Variants in KIF6 observed in about 807,000 individuals in gnomAD.
The protein encoded by KIF6 is kinesin-like protein KIF6.
In KIF6, 106 loss-of-function variants were observed where a neutral mutation model predicts 112.7. That is an observed-to-expected ratio of 0.94 (90% CI 0.80 to 1.11). The LOEUF (loss-of-function observed/expected upper bound fraction) is 1.11, where lower values mean the gene tolerates loss of function less well. KIF6 is among the 50% of genes least tolerant of loss of function. The pLI is 0.00. For synonymous variants in KIF6, 339 were observed against 339.9 expected (o/e 1.00, Z 0.03); for missense variants, 929 against 964.0 (o/e 0.96, Z 0.48).
chr6:39,675,442 A>C (rs1787074407), intron 3 of KIF6, among the ~76,000 whole-genome samples: 2 of 152,178 alleles, frequency 1.3e-5, no homozygotes, highest in African/African-American at 4.8e-5. Flanking sequence ...AATCACAGAA[A>C]GTAATATAAA....
chr6:39,452,028 C>T (rs748467550), intron 13 of KIF6, among the ~76,000 whole-genome samples: 1 of 152,278 alleles, frequency 6.6e-6, no homozygotes, highest in Admixed American at 6.5e-5. Context: ...TGCAGATAGG[C>T]GGCATCCTCA....
At chr6:39,420,595 C>T (rs1306278053) in intron 14 of KIF6, among the ~76,000 whole-genome samples, 1 of 152,172 alleles carries the variant, frequency 6.6e-6, no homozygotes, top group East Asian at 1.9e-4. Context: ...TTTTCTACCT[C>T]ACCCTTTATA....
At chr6:39,510,103 T>C (rs1210105294) in intron 13 of KIF6, among the ~76,000 whole-genome samples, 1 of 150,770 alleles carries the variant, frequency 6.6e-6, no homozygotes, top group African/African-American at 2.4e-5. Context: ...TCTTTTTTTT[T>C]TTTTTTTTGA....
Position 39,331,946 on chromosome 6 carries a change from T to G in KIF6, c.*4586A>C, listed in dbSNP as rs913007944. 1.9e-4 allele frequency: 21 copies of G among 113,272 alleles called. No homozygotes were observed. The highest frequency in any genetic ancestry group is 5.6e-4 in the African/African-American group (12 of 21,252). The allele number at this position is 113,272 out of a possible 1,614,324, so 7.0% of individuals were successfully genotyped here. A position where few individuals can be genotyped will look rare whatever the true frequency, so the allele number is the denominator to read the frequency against. ...ATGCCTGGGGCTGTTTCTATTTGTTTTTTCTTTTTTTTTTTTTTGAGACAG... is the reference window on the plus strand; with the variant it reads ...ATGCCTGGGGCTGTTTCTATTTGTTGTTTCTTTTTTTTTTTTTTGAGACAG... On this transcript the variant is annotated 3_prime_UTR_variant, in exon 23 of 23. Coordinates refer to ENST00000287152, the MANE Select transcript of KIF6 (RefSeq NM_145027.6).
intron 16 of KIF6, among the ~76,000 whole-genome samples, chr6:39,368,171 G>A (rs1765717981): frequency 6.6e-6 from 1 of 152,178 alleles, no homozygotes; most frequent in Admixed American, 6.5e-5. Context: ...TCAGGGGTTT[G>A]CAACCAGGAA....
At chr6:39,614,716 T>C (rs1477932022) in intron 5 of KIF6, among the ~76,000 whole-genome samples, 1 of 152,222 alleles carries the variant, frequency 6.6e-6, no homozygotes, top group East Asian at 1.9e-4. Flanking sequence ...TTATTTATTT[T>C]TCAACAAGAC....
chr6:39,424,597 T>A (rs1188059519), intron 14 of KIF6, among the ~76,000 whole-genome samples: 3 of 152,224 alleles, frequency 2.0e-5, no homozygotes, highest in Non-Finnish European at 4.4e-5. Context: ...TAGGACCAAA[T>A]GCCTACCTCA....
intron 6 of KIF6, 134 bp downstream of exon 6, chr6:39,613,055 G>A: frequency 1.7e-6 from 1 of 595,562 alleles, no homozygotes; most frequent in Non-Finnish European, 2.5e-6. Flanking sequence ...ATCTGCATGT[G>A]AGGTTTGGAC....
intron 3 of KIF6, among the ~76,000 whole-genome samples, chr6:39,711,500 A>G (rs1789557359): frequency 6.6e-6 from 1 of 152,080 alleles, no homozygotes; most frequent in South Asian, 2.1e-4. Context: ...CCTCCTGAGT[A>G]GTTGGAACTA....
intron 19 of KIF6, among the ~76,000 whole-genome samples, chr6:39,353,156 G>A (rs770388108): frequency 4.6e-5 from 7 of 152,126 alleles, no homozygotes; most frequent in Non-Finnish European, 8.8e-5. Context: ...AAGTGGCTGT[G>A]GGAGTGCAAA....
intron 3 of KIF6, among the ~76,000 whole-genome samples, chr6:39,654,588 T>C (rs1171900766): frequency 1.3e-5 from 2 of 152,226 alleles, no homozygotes; most frequent in Non-Finnish European, 2.9e-5. Flanking sequence ...AATTCATAAA[T>C]GCATGAATTA....
chr6:39,639,689 A>G lies in KIF6; in HGVS notation c.320T>C (p.Ile107Thr). ...ACTGTAACGCTCTGCACCCCCTGTG[A>G]TAGTGAATGTCTTCCCGCTGCCTGT... The part of the protein sequence containing the change: ...GQTGSGKTFT[I>T]TGGAERYSDR... Residue 107 changes from isoleucine (I) to threonine (T), a missense_variant, in exon 4 of 23, where the codon ATC (isoleucine) becomes ACC (threonine). Transcript: ENST00000287152. 6.2e-7 allele frequency: 1 copy of G among 1,612,538 alleles called. No individual in the cohort carries two copies. Among genetic ancestry groups the G allele is most frequent in the African/African-American group, 1.3e-5 (1 of 74,952 alleles).
At chr6:39,539,831 C>T (rs1463548248) in intron 13 of KIF6, among the ~76,000 whole-genome samples, 172 bp downstream of exon 13, 1 of 152,166 alleles carries the variant, frequency 6.6e-6, no homozygotes, top group Non-Finnish European at 1.5e-5. Context: ...TGGTTCCCCT[C>T]AGTTCAGTCA....
intron 15 of KIF6, among the ~76,000 whole-genome samples, chr6:39,390,722 G>A (rs942959474): frequency 1.3e-5 from 2 of 152,172 alleles, no homozygotes; most frequent in African/African-American, 4.8e-5. Context: ...GTAGAACTGG[G>A]GTGTGGGGAG....
At chr6:39,376,286 T>C (rs1766432614) in intron 16 of KIF6, among the ~76,000 whole-genome samples, 1 of 152,150 alleles carries the variant, frequency 6.6e-6, no homozygotes, top group Admixed American at 6.5e-5. Flanking sequence ...ATCCAAGCTC[T>C]CCCATGTCTC....
chr6:39,654,536 C>T (rs1212063532), intron 3 of KIF6, among the ~76,000 whole-genome samples: 3 of 152,110 alleles, frequency 2.0e-5, no homozygotes, highest in Non-Finnish European at 4.4e-5. Flanking sequence ...CAAGTTTCTC[C>T]CATTACTGAA....
At chr6:39,533,551 G>T (rs1442232872) in intron 13 of KIF6, among the ~76,000 whole-genome samples, 2 of 152,232 alleles carry the variant, frequency 1.3e-5, no homozygotes, top group African/African-American at 4.8e-5. Context: ...AAGGAGGCCT[G>T]CCTGCCTCTG....
intron 16 of KIF6, among the ~76,000 whole-genome samples, chr6:39,373,842 C>A (rs1318182375): frequency 6.6e-6 from 1 of 152,106 alleles, no homozygotes; most frequent in South Asian, 2.1e-4. Context: ...CTTATGAAAA[C>A]TCCAATGTTA....
intron 3 of KIF6, among the ~76,000 whole-genome samples, chr6:39,706,988 G>A (rs543041196): frequency 6.6e-6 from 1 of 152,264 alleles, no homozygotes; most frequent in South Asian, 2.1e-4. Context: ...TAAATTTACA[G>A]GAAGTCATAA....
Sources: allele counts gnomAD v4.1 joint callset (sites outside exome capture counted in the v4.1 genomes callset), GRCh38; gene constraint gnomAD v4.1.1; transcripts MANE v1.5; gene names NCBI Gene and HGNC (gene_info 2026-07-23, HGNC 2026-07-21).